EVC2: variants seen among roughly 807,000 people sequenced by gnomAD.
EVC2 encodes the protein EvC ciliary complex subunit 2, also known as limbin.
A neutral mutation model predicts 149.3 loss-of-function variants in EVC2; 148 were observed. That is an observed-to-expected ratio of 0.99 (90% CI 0.87 to 1.14). The LOEUF is 1.14. Among genes scored for constraint, EVC2 ranks in the 50% most tolerant of loss-of-function variants. The pLI, the probability that EVC2 is intolerant of heterozygous loss-of-function variation, is 0.00. For missense variants in EVC2, 1,854 were observed against 1,627.3 expected (o/e 1.14, Z -2.40); for synonymous variants, 776 against 649.9 (o/e 1.19, Z -2.95).
Position 5,618,547 on chromosome 4 carries a change from T to C in EVC2, c.2637A>G (p.Gln879=), listed in dbSNP as rs749805702. The C allele has an allele frequency of 9.3e-6, 15 of 1,614,110 alleles. No homozygotes were observed. The South Asian group carries it at 1.6e-4, about 18-fold the overall frequency. ...CTGCTTCTCGCCACGCAGTCTGAAA[T>C]TGCTGCAGCAGAACTCGGGCCCGGA... ...PKIRARVLLQ[Q]FQTAWREAEF... Residue 879 remains glutamine, a synonymous_variant, in exon 15 of 22, where the codon CAA becomes CAG. Coordinates refer to ENST00000344408, the MANE Select transcript of EVC2 (RefSeq NM_147127.5). This position sits in a 1 kb window ranked among gnomAD's most constrained non-coding sequence, Gnocchi z 4.4.
chr4:5,705,420 T>C (rs1014519672), intron 1 of EVC2, among the ~76,000 whole-genome samples: 3 of 152,220 alleles, frequency 2.0e-5, no homozygotes, highest in African/African-American at 7.2e-5. Context: ...AACTTTTGTT[T>C]GTGCTGATTA....
In EVC2 at chr4:5,696,766, C is replaced by T. The variant is rs1721502644; in HGVS notation, c.283+827G>A. ...TTTCAGTTACAGATGCCAATGAATT[C>T]CTCTTGATGAAATGAGTGTCAGTTG... On this transcript the variant is annotated intron_variant, in intron 2 of 21. Coordinates refer to ENST00000344408, the MANE Select transcript of EVC2 (RefSeq NM_147127.5). This position sits in a 1 kb window ranked among gnomAD's most constrained non-coding sequence, Gnocchi z 4.1. Among the ~76,000 whole-genome samples, 5 of 152,292 alleles carry T rather than the reference C, an allele frequency of 3.3e-5. No individual in the cohort carries two copies. In the South Asian group the frequency reaches 1.0e-3, roughly 32 times the overall value.
chr4:5,647,334 T>A (rs1400015002), intron 9 of EVC2, among the ~76,000 whole-genome samples: 2 of 152,126 alleles, frequency 1.3e-5, no homozygotes, highest in Non-Finnish European at 2.9e-5. Context: ...AATGGAAGAT[T>A]TTTATATATT....
At position 5,640,373 on chromosome 4, in the gene EVC2, A is replaced by C; in HGVS notation, c.1470+141T>G. ...GGTTGGATGAATGAATGGAAGGATGAATAGATGAATGAGTGGGTGGTTGGA... is the reference window on the plus strand; with the variant it reads ...GGTTGGATGAATGAATGGAAGGATGCATAGATGAATGAGTGGGTGGTTGGA... On this transcript the variant is annotated intron_variant, in intron 10 of 21. Coordinates refer to ENST00000344408, the MANE Select transcript of EVC2 (RefSeq NM_147127.5). This position sits in a 1 kb window ranked among gnomAD's most constrained non-coding sequence, Gnocchi z 4.6. 1.0e-6 allele frequency: 1 copy of C among 976,186 alleles called. No individual in the cohort carries two copies. Among genetic ancestry groups the C allele is most frequent in the Non-Finnish European group, 1.6e-6 (1 of 608,342 alleles). The allele number at this position is 976,186 out of a possible 1,614,324, so 60.5% of individuals were successfully genotyped here. A position where few individuals can be genotyped will look rare whatever the true frequency, so the allele number is the denominator to read the frequency against.
At position 5,584,850 on chromosome 4, in the gene EVC2, C is replaced by T. The variant is rs1242116322; in HGVS notation, c.2830G>A (p.Val944Ile). 5 of 1,614,162 alleles carry T rather than the reference C, an allele frequency of 3.1e-6. No homozygotes were observed. Among genetic ancestry groups the T allele is most frequent in the Non-Finnish European group, 4.2e-6 (5 of 1,180,044 alleles). Residue 944 changes from valine (V) to isoleucine (I), a missense_variant and splice_region_variant, in exon 17 of 22, where the codon GTT becomes ATT. Transcript: ENST00000344408. ...CTCTCCCGCAGCAATTCACCTCGAA[C>T]CTGGGAGGGGACAGGGATGGACCCA... is the stretch of plus-strand genomic sequence containing the variant. ...EQASEDLVEK[V>I]RGELLRERVQ...
chr4:5,545,660 A>G (rs542612721), intron 21 of EVC2, among the ~76,000 whole-genome samples: 1 of 152,248 alleles, frequency 6.6e-6, no homozygotes, highest in South Asian at 2.1e-4. Flanking sequence ...TTTCTATCAT[A>G]CTAGAGAGTC....
chr4:5,692,784 G>A (rs908552781), intron 3 of EVC2, among the ~76,000 whole-genome samples: 10 of 148,214 alleles, frequency 6.7e-5, no homozygotes, highest in Non-Finnish European at 1.0e-4. Context: ...GGAGAATGGC[G>A]TGAACCCGGG....
intron 9 of EVC2, among the ~76,000 whole-genome samples, chr4:5,651,549 A>G (rs1369618259): frequency 6.6e-6 from 1 of 152,174 alleles, no homozygotes; most frequent in Non-Finnish European, 1.5e-5. Flanking sequence ...GTAGATAGAG[A>G]AATAACATTT....
chr4:5,703,794 G>A (rs1431048820), intron 1 of EVC2, among the ~76,000 whole-genome samples: 1 of 152,110 alleles, frequency 6.6e-6, no homozygotes, highest in Non-Finnish European at 1.5e-5. Context: ...ACCATATATA[G>A]TATATTAGAA....
chr4:5,608,595 G>A (rs1023979455), intron 16 of EVC2, among the ~76,000 whole-genome samples: 7 of 152,100 alleles, frequency 4.6e-5, no homozygotes, highest in African/African-American at 1.2e-4. Flanking sequence ...GTGCAATGGC[G>A]CAATTTTGGC....
intron 9 of EVC2, among the ~76,000 whole-genome samples, chr4:5,643,126 C>A (rs1409854900): frequency 6.6e-6 from 1 of 152,156 alleles, no homozygotes; most frequent in African/African-American, 2.4e-5. Flanking sequence ...TATACTACCC[C>A]AAAATGTGGT....
chr4:5,706,346 A>ATACATACATAGATAGC (rs1560243230), intron 1 of EVC2, among the ~76,000 whole-genome samples: 4 of 139,326 alleles, frequency 2.9e-5, no homozygotes, highest in Non-Finnish European at 6.3e-5. Context: ...AGATACATAG[A>ATACATACATAGATAGC]TAGATAGACA....
intron 1 of EVC2, among the ~76,000 whole-genome samples, chr4:5,706,585 G>C (rs987012691): frequency 1.6e-4 from 24 of 151,910 alleles, no homozygotes; most frequent in African/African-American, 5.3e-4. Flanking sequence ...TGTGCTCTGG[G>C]AACAGCCCTT....
chr4:5,703,613 T>TG (rs1287268498), intron 1 of EVC2, among the ~76,000 whole-genome samples: 1 of 152,194 alleles, frequency 6.6e-6, no homozygotes, highest in Non-Finnish European at 1.5e-5. Flanking sequence ...TTACTTCACT[T>TG]GCATTCATTC....
At chr4:5,674,426 G>C (rs1435389649) in intron 7 of EVC2, among the ~76,000 whole-genome samples, 1 of 152,144 alleles carries the variant, frequency 6.6e-6, no homozygotes, top group African/African-American at 2.4e-5. Context: ...TAATCTTTAA[G>C]GTCTCTTCCA....
chr4:5,656,394 C>T (rs1373129939), intron 9 of EVC2, among the ~76,000 whole-genome samples: 3 of 152,200 alleles, frequency 2.0e-5, no homozygotes, highest in African/African-American at 4.8e-5. Context: ...TGAGATGTTG[C>T]GATCACTTCC....
rs1239797637 is a variant in EVC2, at chr4:5,569,800, G to T, written c.3361-1160C>A. Among the ~76,000 whole-genome samples, 1 of 151,990 alleles carries T rather than the reference G, an allele frequency of 6.6e-6. No individual in the cohort carries two copies. The highest frequency in any genetic ancestry group is 2.4e-5 in the African/African-American group (1 of 41,396). Reference sequence around the variant, plus strand: ...GAAACATGGGGTCGCTGTGACCTTGGTAAGTGCTTTCAGTGAAGGCACGAG... The same window carrying T: ...GAAACATGGGGTCGCTGTGACCTTGTTAAGTGCTTTCAGTGAAGGCACGAG... On this transcript the variant is annotated intron_variant, in intron 19 of 21. Transcript: ENST00000344408. The surrounding 1 kb of genome is among the most constrained non-coding windows in gnomAD (Gnocchi z 4.8).
chr4:5,625,875 C>T lies in EVC2; in HGVS notation c.1920G>A (p.Met640Ile), dbSNP rs1716071300. The T allele has an allele frequency of 1.9e-6, 3 of 1,613,986 alleles. No homozygotes were observed. Among genetic ancestry groups the T allele is most frequent in the Non-Finnish European group, 2.5e-6 (3 of 1,180,034 alleles). The change falls in exon 13 of 22, where the codon ATG becomes ATA. Residue 640 changes from methionine to isoleucine, a missense_variant. Physicochemically the swap from Met to Ile is conservative, Grantham distance 10. Coordinates refer to ENST00000344408, the MANE Select transcript of EVC2 (RefSeq NM_147127.5). The surrounding 1 kb of genome is among the most constrained non-coding windows in gnomAD (Gnocchi z 4.0). ...AGYLDEDQME[M>I]LLERAQTEVF... ...CTTCTGTCTGAGCCCGCTCCAATAGCATTTCCATTTGGTCTTCATCCAGGT... is the reference window on the plus strand; with the variant it reads ...CTTCTGTCTGAGCCCGCTCCAATAGTATTTCCATTTGGTCTTCATCCAGGT...
intron 9 of EVC2, among the ~76,000 whole-genome samples, chr4:5,641,732 C>G (rs1347400102): frequency 1.3e-5 from 2 of 152,060 alleles, no homozygotes; most frequent in Admixed American, 1.3e-4. Flanking sequence ...CACTGTGAAT[C>G]CACCATTCAA....
Sources: allele counts gnomAD v4.1 joint callset (sites outside exome capture counted in the v4.1 genomes callset), GRCh38; gene constraint gnomAD v4.1.1; non-coding constraint Gnocchi (gnomAD v3.1); transcripts MANE v1.5; gene names NCBI Gene and HGNC (gene_info 2026-07-23, HGNC 2026-07-21).